The following ASAP1 variants were observed in gnomAD, a reference collection of about 807,000 sequenced individuals.
The protein encoded by ASAP1 is ArfGAP with SH3 domain, ankyrin repeat and PH domain 1.
Under a neutral mutation model 145.2 loss-of-function variants are expected in ASAP1, and 43 were observed. That is an observed-to-expected ratio of 0.30 (90% confidence interval 0.23 to 0.38). ASAP1 has a LOEUF of 0.38. Among genes scored for constraint, ASAP1 ranks in the 10% least tolerant of loss-of-function variants. The probability of loss-of-function intolerance (pLI) is 1.00; values close to 1 mark genes in which losing one functional copy is unlikely to be tolerated. For missense variants in ASAP1, 1,018 were observed against 1,355.3 expected (o/e 0.75, Z 3.91); for synonymous variants, 546 against 515.5 (o/e 1.06, Z -0.80).
chr8:130,385,350 G>A (rs1176393247), intron 2 of ASAP1, among the ~76,000 whole-genome samples: 1 of 152,328 alleles, frequency 6.6e-6, no homozygotes, highest in East Asian at 1.9e-4. Flanking sequence ...ACAGAGACTT[G>A]AGTGTGTCTA....
chr8:130,102,759 C>T (rs1226002905), intron 24 of ASAP1, among the ~76,000 whole-genome samples: 3 of 152,198 alleles, frequency 2.0e-5, no homozygotes, highest in African/African-American at 7.2e-5. Context: ...GATCTTGACT[C>T]ACTGCAGCTT....
intron 9 of ASAP1, among the ~76,000 whole-genome samples, chr8:130,175,665 A>G (rs1414457152): frequency 6.6e-6 from 1 of 152,152 alleles, no homozygotes; most frequent in East Asian, 1.9e-4. Flanking sequence ...TTAATTTTGA[A>G]GTCCAATTTA....
chr8:130,282,932 C>G lies in ASAP1; in HGVS notation c.187-45938G>C, dbSNP rs1035927593. ...AACAACCTTCATCATTTAAGTAAAA[C>G]AGCCACTAATTGAATAGCTTTAGCT... On this transcript the variant is annotated intron_variant, in intron 3 of 29. Coordinates refer to ENST00000518721, the MANE Select transcript of ASAP1 (RefSeq NM_018482.4). Among the ~76,000 whole-genome samples, 13 of 152,214 alleles carry G rather than the reference C, an allele frequency of 8.5e-5. 1 individual carries two copies. The highest frequency in any genetic ancestry group is 3.1e-4 in the African/African-American group (13 of 41,462).
chr8:130,105,453 C>A (rs1171129157), intron 24 of ASAP1, among the ~76,000 whole-genome samples: 1 of 152,188 alleles, frequency 6.6e-6, no homozygotes, highest in African/African-American at 2.4e-5. Flanking sequence ...TGCATTACTT[C>A]ACGTATGCAT....
At chr8:130,140,364 T>C (rs561100041) in intron 13 of ASAP1, among the ~76,000 whole-genome samples, 6 of 151,934 alleles carry the variant, frequency 3.9e-5, no homozygotes, top group Admixed American at 1.3e-4. Context: ...TTCTTTCTTT[T>C]TTTTTTAAAA....
At chr8:130,225,500 T>C (rs1045217701) in intron 4 of ASAP1, among the ~76,000 whole-genome samples, 1 of 152,228 alleles carries the variant, frequency 6.6e-6, no homozygotes, top group African/African-American at 2.4e-5. Flanking sequence ...TGAAATTATC[T>C]ATATGGCATG....
chr8:130,348,140 G>A (rs995913304), intron 3 of ASAP1, among the ~76,000 whole-genome samples: 3 of 152,156 alleles, frequency 2.0e-5, no homozygotes, highest in African/African-American at 7.2e-5. Context: ...CTGGAGACAA[G>A]GCCATTCTGA....
intron 27 of ASAP1, among the ~76,000 whole-genome samples, chr8:130,063,957 G>A (rs537851024): frequency 6.6e-6 from 1 of 152,274 alleles, no homozygotes; most frequent in Admixed American, 6.5e-5. Flanking sequence ...GGAGAAAAGA[G>A]TGCTGGCTGG....
At chr8:130,329,913 A>G (rs1413142827) in intron 3 of ASAP1, among the ~76,000 whole-genome samples, 1 of 152,218 alleles carries the variant, frequency 6.6e-6, no homozygotes, top group East Asian at 1.9e-4. Flanking sequence ...ATAATTTTCT[A>G]GTCAACACAT....
chr8:130,400,748 G>T (rs1371519336), intron 2 of ASAP1, among the ~76,000 whole-genome samples: 1 of 144,144 alleles, frequency 6.9e-6, no homozygotes, highest in African/African-American at 2.6e-5. Context: ...CCGAGATAGC[G>T]CCACTGCGCT....
At chr8:130,243,586 C>T (rs546726167) in intron 3 of ASAP1, among the ~76,000 whole-genome samples, 1 of 152,154 alleles carries the variant, frequency 6.6e-6, no homozygotes, top group African/African-American at 2.4e-5. Flanking sequence ...CCCTCCACTA[C>T]TCATTATGTT....
chr8:130,356,948 G>A (rs1218136570), intron 3 of ASAP1, among the ~76,000 whole-genome samples: 1 of 152,102 alleles, frequency 6.6e-6, no homozygotes, highest in African/African-American at 2.4e-5. Context: ...AACCCACCCA[G>A]GGAAAACCAT....
intron 2 of ASAP1, among the ~76,000 whole-genome samples, chr8:130,396,636 T>C (rs1828542616): frequency 6.6e-6 from 1 of 152,218 alleles, no homozygotes; most frequent in Non-Finnish European, 1.5e-5. Flanking sequence ...ATGTTAGCAA[T>C]GCAGAGTTGA....
intron 3 of ASAP1, among the ~76,000 whole-genome samples, chr8:130,353,653 T>C (rs993575355): frequency 3.3e-5 from 5 of 152,184 alleles, no homozygotes; most frequent in Non-Finnish European, 7.4e-5. Flanking sequence ...GCAGATCACT[T>C]GAGGTCGGGA....
At chr8:130,426,427 G>C (rs1829920407) in intron 1 of ASAP1, among the ~76,000 whole-genome samples, 1 of 151,154 alleles carries the variant, frequency 6.6e-6, no homozygotes, top group African/African-American at 2.4e-5. Context: ...AAAAAAAAAG[G>C]GTAAGCCAAG....
In ASAP1 at chr8:130,141,142, T is replaced by C. The variant is rs186052723; in HGVS notation, c.1081-4104A>G. Among the ~76,000 whole-genome samples, 412 of 152,304 alleles carry C rather than the reference T, an allele frequency of 2.7e-3. 6 individuals carry two copies. Among genetic ancestry groups the C allele is most frequent in the Admixed American group, 0.023 (347 of 15,306 alleles). ...GAACAGTTTAGGAAATGCTTTCATA[T>C]TGTTTAAGTACAGGAGAGAAAAAAG... On this transcript the variant is annotated intron_variant, in intron 13 of 29. Coordinates refer to ENST00000518721, the MANE Select transcript of ASAP1 (RefSeq NM_018482.4).
intron 3 of ASAP1, among the ~76,000 whole-genome samples, chr8:130,308,479 T>C (rs962652756): frequency 4.6e-5 from 7 of 152,210 alleles, no homozygotes; most frequent in African/African-American, 9.6e-5. Context: ...TTTAAAATAA[T>C]TGTAGTATCT....
At chr8:130,292,918 T>C (rs930733458) in intron 3 of ASAP1, among the ~76,000 whole-genome samples, 2 of 152,194 alleles carry the variant, frequency 1.3e-5, no homozygotes, top group Admixed American at 6.5e-5. Context: ...TATAAAAACA[T>C]TTTAAAACTC....
At chr8:130,202,778 G>T (rs1455438309) in intron 5 of ASAP1, among the ~76,000 whole-genome samples, 2 of 152,256 alleles carry the variant, frequency 1.3e-5, no homozygotes, top group East Asian at 3.9e-4. Context: ...AGCAGAGATA[G>T]AACTCAATTA....
Sources: gnomAD v4.1 joint callset for allele counts (sites outside exome capture counted in the v4.1 genomes callset) on GRCh38, gnomAD v4.1.1 for gene constraint, MANE v1.5 for transcripts, NCBI Gene and HGNC (gene_info 2026-07-23, HGNC 2026-07-21) for gene names.